Variants in PAX5 observed in about 807,000 individuals in gnomAD.
PAX5 encodes the protein paired box protein Pax-5.
PAX5 carries 9 observed loss-of-function variants against 43.7 expected under a neutral mutation model. That is an observed-to-expected ratio of 0.21 (90% CI 0.12 to 0.36). The LOEUF is 0.36. Among genes scored for constraint, PAX5 ranks in the 10% least tolerant of loss-of-function variants. The pLI is 1.00. For missense variants in PAX5, 383 were observed against 532.7 expected, an observed-to-expected ratio of 0.72 and a Z score of 2.77; for synonymous variants, 228 against 214.3, an observed-to-expected ratio of 1.06 and a Z score of -0.56.
rs564452538 is a variant in PAX5 at position 36,849,727 on chromosome 9, T to C, written c.1013-2798A>G. On this transcript the variant is annotated intron_variant, in intron 8 of 9. Transcript: ENST00000358127. ...TGCCCCTTGGTGGGAGAAATGAGCC[T>C]ACCAGGGACTGGCTTGCCTGGTGTG... Among the ~76,000 whole-genome samples the C allele has an allele frequency of 3.3e-5, 5 of 152,344 alleles. No homozygotes were observed. In the East Asian group the frequency reaches 9.6e-4, roughly 29 times the overall value.
At chr9:36,850,553 AGG>A (rs1264587996) in intron 8 of PAX5, among the ~76,000 whole-genome samples, 1 of 152,232 alleles carries the variant, frequency 6.6e-6, no homozygotes, top group Non-Finnish European at 1.5e-5. Context: ...GCCCAGCACA[AGG>A]GACACCACGG....
chr9:37,026,940 G>T (rs1430202827), intron 1 of PAX5, among the ~76,000 whole-genome samples: 1 of 152,216 alleles, frequency 6.6e-6, no homozygotes, highest in East Asian at 1.9e-4. Context: ...AGCAGCCCCC[G>T]GCCCCAGGAA....
chr9:36,930,936 G>A (rs970907210), intron 6 of PAX5: 8 of 890,442 alleles, frequency 9.0e-6, no homozygotes, highest in South Asian at 1.4e-5. Flanking sequence ...TCATCAGCAC[G>A]GGGCACCACT....
chr9:36,979,368 A>C (rs3780168), intron 5 of PAX5, among the ~76,000 whole-genome samples: 114,907 of 152,090 alleles, frequency 0.76, 43,531 homozygotes, highest in South Asian at 0.89. Context: ...ATGGAAGCAC[A>C]ATTATTTCCC....
intron 7 of PAX5, among the ~76,000 whole-genome samples, chr9:36,909,309 A>G (rs1005745352): frequency 6.6e-6 from 1 of 152,216 alleles, no homozygotes; most frequent in African/African-American, 2.4e-5. Context: ...GGCCCACAAC[A>G]TTGAGTCTGG....
intron 7 of PAX5, among the ~76,000 whole-genome samples, chr9:36,885,419 T>C (rs1479682213): frequency 1.3e-5 from 2 of 152,146 alleles, no homozygotes; most frequent in East Asian, 1.9e-4. Context: ...GATTTCCTTA[T>C]CTATAAAATG....
At position 36,834,643 on chromosome 9, in the gene PAX5, A is replaced by G. The variant is rs1220492479; in HGVS notation, c.*5917T>C. 8.6e-6 allele frequency: 2 copies of G among 233,154 alleles called. No homozygotes were observed. The highest frequency in any genetic ancestry group is 1.7e-5 in the Non-Finnish European group (2 of 118,062). 14.4% of individuals were successfully genotyped at this position (233,154 alleles called of 1,614,324 possible). ...CAATAAAATAGTTTCATTAAAATGTATTCATGCTTGAAAAGAAGGGCGCCA... is the reference window on the plus strand; with the variant it reads ...CAATAAAATAGTTTCATTAAAATGTGTTCATGCTTGAAAAGAAGGGCGCCA... On this transcript the variant is annotated 3_prime_UTR_variant, in exon 10 of 10. Transcript: ENST00000358127.
chr9:36,987,828 C>A (rs1268537112), intron 5 of PAX5, among the ~76,000 whole-genome samples: 1 of 152,226 alleles, frequency 6.6e-6, no homozygotes, highest in Non-Finnish European at 1.5e-5. Flanking sequence ...TCTCTGCCTG[C>A]CTGCCTGCCT....
intron 8 of PAX5, among the ~76,000 whole-genome samples, chr9:36,863,236 G>T (rs972036883): frequency 6.6e-6 from 1 of 152,148 alleles, no homozygotes; most frequent in Non-Finnish European, 1.5e-5. Flanking sequence ...AGACCCGCCT[G>T]GGTTCTTTTT....
intron 5 of PAX5, among the ~76,000 whole-genome samples, chr9:36,994,501 A>G (rs765724572): frequency 1.3e-5 from 2 of 151,798 alleles, no homozygotes; most frequent in Non-Finnish European, 2.9e-5. Flanking sequence ...ACACACATAC[A>G]CGCACGCACA....
chr9:36,842,703 C>T (rs1243972714), intron 9 of PAX5, among the ~76,000 whole-genome samples: 2 of 152,212 alleles, frequency 1.3e-5, no homozygotes, highest in Non-Finnish European at 2.9e-5. Context: ...TGCTTTCTCT[C>T]TAATCCCTTC....
intron 8 of PAX5, among the ~76,000 whole-genome samples, chr9:36,850,040 G>A (rs766959194): frequency 1.3e-4 from 20 of 152,242 alleles, no homozygotes; most frequent in Non-Finnish European, 2.6e-4. Flanking sequence ...AAGCGACCAC[G>A]TGAACCAGGA....
intron 6 of PAX5, among the ~76,000 whole-genome samples, chr9:36,927,425 G>A (rs1320458777): frequency 1.3e-5 from 2 of 152,236 alleles, no homozygotes; most frequent in Non-Finnish European, 2.9e-5. Context: ...CCAGATGGAA[G>A]AGGCTTATGT....
intron 5 of PAX5, among the ~76,000 whole-genome samples, chr9:36,969,701 C>T (rs1834774757): frequency 6.6e-6 from 1 of 152,156 alleles, no homozygotes; most frequent in African/African-American, 2.4e-5. Context: ...GATATCTAGG[C>T]TGCCAGGCGC....
chr9:36,867,799 TTTGTGCCCGTTGCAC>T (rs1825042766), intron 8 of PAX5, among the ~76,000 whole-genome samples: 1 of 152,250 alleles, frequency 6.6e-6, no homozygotes. Context: ...GGGCCCTTTA[TTTGTGCCCGTTGCAC>T]ATAGACTCCT....
intron 1 of PAX5, chr9:37,026,410 A>G (rs1427398624): frequency 6.8e-6 from 6 of 886,766 alleles, no homozygotes; most frequent in Non-Finnish European, 9.4e-6. Context: ...TGCACTTTGC[A>G]AAGTTAGCTG....
At chr9:36,923,581 A>T in intron 6 of PAX5, 97 bp from the exon 7 acceptor site, 1 of 1,419,728 alleles carries the variant, frequency 7.0e-7, no homozygotes, top group South Asian at 1.3e-5. Flanking sequence ...AAGCTGAGTT[A>T]GTCCATGCCT....
chr9:37,007,929 G>C lies in PAX5; in HGVS notation c.411-1392C>G, dbSNP rs182683688. On this transcript the variant is annotated intron_variant, in intron 3 of 9. Transcript: ENST00000358127. ...GAGTCTTGCTCTGTTGCCCAGGCTGGAGTATAGTGGTGCGATCTCAGTTCA... is the reference window on the plus strand; with the variant it reads ...GAGTCTTGCTCTGTTGCCCAGGCTGCAGTATAGTGGTGCGATCTCAGTTCA... 7.2e-3 allele frequency: 1,090 copies of C among 152,338 alleles called. 7 individuals are homozygous for C. The highest frequency in any genetic ancestry group is 0.011 in the Non-Finnish European group (746 of 68,060). 9.4% of individuals were successfully genotyped at this position (152,338 alleles called of 1,614,324 possible).
intron 6 of PAX5, among the ~76,000 whole-genome samples, chr9:36,942,514 C>T (rs1185821745): frequency 6.6e-6 from 1 of 152,184 alleles, no homozygotes; most frequent in African/African-American, 2.4e-5. Context: ...ACACAGAGTC[C>T]CCCTCCATGT....
Sources: gnomAD v4.1 joint callset for allele counts (sites outside exome capture counted in the v4.1 genomes callset) on GRCh38, gnomAD v4.1.1 for gene constraint, MANE v1.5 for transcripts, NCBI Gene and HGNC (gene_info 2026-07-23, HGNC 2026-07-21) for gene names.